TCERG1: variants seen among roughly 807,000 people sequenced by gnomAD.
TCERG1 encodes the protein transcription elongation regulator 1, also known as TATA box binding protein (TBP)-associated factor, RNA polymerase II, S, 150kD.
Under a neutral mutation model 144.7 loss-of-function variants are expected in TCERG1, and 37 were observed. The ratio of observed to expected loss-of-function variants is 0.26; its 90% CI spans 0.20 to 0.34. The LOEUF (loss-of-function observed/expected upper bound fraction) is 0.34, where lower values mean the gene tolerates loss of function less well. Among genes scored for constraint, TCERG1 ranks in the 10% least tolerant of loss-of-function variants. The pLI, the probability that TCERG1 is intolerant of heterozygous loss-of-function variation, is 1.00. For missense variants in TCERG1, 1,027 were observed against 1,380.7 expected (o/e 0.74, Z 4.06); for synonymous variants, 492 against 458.2 (o/e 1.07, Z -0.94).
chr5:146,506,189 G>A (rs757738066), intron 19 of TCERG1, among the ~76,000 whole-genome samples: 7 of 152,198 alleles, frequency 4.6e-5, no homozygotes, highest in Non-Finnish European at 8.8e-5. Context: ...CTTGGTAAGT[G>A]TTGGTTAAAT....
At chr5:146,459,832 G>A (rs1029769520) in intron 4 of TCERG1, among the ~76,000 whole-genome samples, 2 of 152,210 alleles carry the variant, frequency 1.3e-5, no homozygotes, top group Non-Finnish European at 2.9e-5. Context: ...TCACAGGTAA[G>A]GAAAGGATTT....
At chr5:146,453,772 TAA>T (rs775482064) in intron 1 of TCERG1, among the ~76,000 whole-genome samples, 50 of 138,070 alleles carry the variant, frequency 3.6e-4, no homozygotes, top group Admixed American at 4.4e-4. Context: ...ACCCTGTCTC[TAA>T]AAAAAAAAAA....
intron 17 of TCERG1, among the ~76,000 whole-genome samples, chr5:146,500,518 T>C (rs1422681274): frequency 6.6e-6 from 1 of 152,190 alleles, no homozygotes; most frequent in African/African-American, 2.4e-5. Context: ...CTTTGTAGCA[T>C]TGTGATAGTT....
Position 146,482,341 on chromosome 5 carries a change from A to C in TCERG1, c.1938-251A>C, listed in dbSNP as rs1765433061. On this transcript the variant is annotated intron_variant, in intron 13 of 22. Transcript: ENST00000679501. The stretch of plus-strand genomic sequence containing the variant: ...TGTTATTAACCAGTGTCAGGGAGAG[A>C]CAGCCCATTAAAGGTGTATTTTTTT... 3 of 261,702 alleles carry C rather than the reference A, an allele frequency of 1.1e-5. No individual in the cohort carries two copies. In the South Asian group the frequency reaches 3.2e-4, roughly 28 times the overall value. 16.2% of individuals were successfully genotyped at this position (261,702 alleles called of 1,614,324 possible).
intron 7 of TCERG1, among the ~76,000 whole-genome samples, 196 bp from the exon 8 acceptor site, chr5:146,470,440 A>G (rs1311253157): frequency 6.6e-6 from 1 of 152,232 alleles, no homozygotes; most frequent in Non-Finnish European, 1.5e-5. Context: ...TCTTCAAATC[A>G]GATAGTTACC....
At chr5:146,496,059 A>G (rs945721586) in intron 16 of TCERG1, among the ~76,000 whole-genome samples, 11 of 152,238 alleles carry the variant, frequency 7.2e-5, no homozygotes, top group Admixed American at 3.9e-4. Context: ...AGGCTGAGGC[A>G]GAAGAATTGC....
intron 13 of TCERG1, chr5:146,481,436 G>A (rs1334115791): frequency 2.0e-5 from 3 of 152,736 alleles, no homozygotes; most frequent in Non-Finnish European, 4.4e-5. Context: ...TTTGTTTTGT[G>A]CATATCTTAG....
chr5:146,468,784 G>A (rs979723471), intron 6 of TCERG1, among the ~76,000 whole-genome samples: 1 of 152,106 alleles, frequency 6.6e-6, no homozygotes, highest in African/African-American at 2.4e-5. Context: ...GTGAGTATAT[G>A]TGTGTGAATA....
At chr5:146,480,649 T>C (rs900862944) in intron 12 of TCERG1, 39 of 151,302 alleles carry the variant, frequency 2.6e-4, no homozygotes, top group African/African-American at 9.2e-4. Context: ...GGGTAGAGGG[T>C]ATGCATGTAT....
intron 2 of TCERG1, 129 bp downstream of exon 2, chr5:146,455,410 C>A: frequency 9.7e-7 from 1 of 1,031,186 alleles, no homozygotes; most frequent in Non-Finnish European, 1.4e-6. Context: ...AGAGAAGATC[C>A]ATATATTAAT....
At chr5:146,481,079 A>G (rs947041800) in intron 12 of TCERG1, 71 bp from the exon 13 acceptor site, 13 of 775,828 alleles carry the variant, frequency 1.7e-5, no homozygotes, top group Non-Finnish European at 1.6e-5. Flanking sequence ...CTACGATGTT[A>G]AACTTTTAGG....
At chr5:146,473,300 T>C (rs943637156) in intron 9 of TCERG1, among the ~76,000 whole-genome samples, 1 of 152,164 alleles carries the variant, frequency 6.6e-6, no homozygotes, top group Non-Finnish European at 1.5e-5. Context: ...CCCTCAGTTC[T>C]GTGAAGGCTG....
rs2150543705 is a variant in TCERG1, at chr5:146,481,191, C to T, written c.1928C>T (p.Ser643Phe). Residue 643 changes from serine (S) to phenylalanine (F), a missense_variant, in exon 13 of 23, where the codon TCT (serine) becomes TTT (phenylalanine). Transcript: ENST00000679501. ...KKSFMWIARA[S>F]LFRRDDNKDI... ...TCCTTTATGTGGATTGCCCGAGCTT[C>T]TCTATTTAGGTACAAAGCTAAAAGC... is the stretch of plus-strand genomic sequence containing the variant. The T allele has an allele frequency of 1.0e-6, 1 of 985,284 alleles. No individual in the cohort carries two copies. The highest frequency in any genetic ancestry group is 1.1e-4 in the East Asian group (1 of 8,812). The allele number at this position is 985,284 out of a possible 1,614,324, so 61.0% of individuals were successfully genotyped here.
intron 4 of TCERG1, among the ~76,000 whole-genome samples, chr5:146,461,323 A>G (rs1763308242): frequency 6.6e-6 from 1 of 152,126 alleles, no homozygotes; most frequent in Non-Finnish European, 1.5e-5. Flanking sequence ...AGTATCATAA[A>G]GTGTTGTCTT....
intron 1 of TCERG1, among the ~76,000 whole-genome samples, chr5:146,450,851 A>C (rs1762284728): frequency 6.6e-6 from 1 of 152,248 alleles, no homozygotes; most frequent in African/African-American, 2.4e-5. Context: ...AAGTAATGAT[A>C]GTTGAAGTAG....
At position 146,480,094 on chromosome 5, in the gene TCERG1, A is replaced by G. The variant is rs1765209168; in HGVS notation, c.1886A>G (p.Lys629Arg). ...GAGCCTGTTAAAGCAAAAAAACGGAAGTAAGTAATACATACGATTTGATTG... is the reference window on the plus strand; with the variant it reads ...GAGCCTGTTAAAGCAAAAAAACGGAGGTAAGTAATACATACGATTTGATTG... Reference protein sequence around the residue: ...EDEPVKAKKRKRMSKKSFMWI... With the variant: ...EDEPVKAKKRRRMSKKSFMWI... The change falls in exon 12 of 23, where the codon AAG becomes AGG. Residue 629 changes from lysine (K) to arginine (R), a missense_variant and splice_region_variant. By Grantham distance (26) the Lys-to-Arg change is conservative. Transcript: ENST00000679501. 29 of 1,588,492 alleles carry G rather than the reference A, an allele frequency of 1.8e-5. No homozygotes were observed. Among genetic ancestry groups the G allele is most frequent in the Non-Finnish European group, 2.5e-5 (29 of 1,167,138 alleles).
chr5:146,504,595 T>G (rs975656157), intron 19 of TCERG1: 1 of 152,820 alleles, frequency 6.5e-6, no homozygotes, highest in Middle Eastern at 3.4e-3. Context: ...GTCATATCTC[T>G]CCTATGCTAT....
intron 16 of TCERG1, among the ~76,000 whole-genome samples, chr5:146,497,500 G>A (rs975538461): frequency 6.6e-6 from 1 of 152,096 alleles, no homozygotes; most frequent in Admixed American, 6.5e-5. Context: ...TGGACATCTT[G>A]GGTTTGGTTT....
chr5:146,459,024 C>CCAGGCG lies in TCERG1; in HGVS notation c.585_590dup (p.Ala241_Gln242dup). 2 of 1,613,202 alleles carry CCAGGCG rather than the reference C, an allele frequency of 1.2e-6. No individual in the cohort carries two copies. Among genetic ancestry groups the CCAGGCG allele is most frequent in the East Asian group, 2.2e-5 (1 of 44,802 alleles). The stretch of plus-strand genomic sequence containing the variant: ...CTCAGGCCCAGGCGCAGGCTCAGGC[C>CCAGGCG]CAGGCGCAGGCTCAGGCCCAGGCAC... On this transcript the variant is annotated inframe_insertion, in exon 4 of 23. Coordinates refer to ENST00000679501, the MANE Select transcript of TCERG1 (RefSeq NM_001382548.1).
Sources: allele counts gnomAD v4.1 joint callset (sites outside exome capture counted in the v4.1 genomes callset), GRCh38; gene constraint gnomAD v4.1.1; transcripts MANE v1.5; gene names NCBI Gene and HGNC (gene_info 2026-07-23, HGNC 2026-07-21).